The following PLEKHB1 variants were observed in gnomAD, a reference collection of about 807,000 sequenced individuals.
The protein encoded by PLEKHB1 is pleckstrin homology domain containing B1, also known as pleckstrin homology domain-containing family B member 1.
Under a neutral mutation model 36.2 loss-of-function variants are expected in PLEKHB1, and 29 were observed. That is an observed-to-expected ratio of 0.80 (90% CI 0.60 to 1.09). The LOEUF (loss-of-function observed/expected upper bound fraction) is 1.09, where lower values mean the gene tolerates loss of function less well. PLEKHB1 is among the 50% of genes least tolerant of loss of function. PLEKHB1 has a pLI of 0.00. For missense variants in PLEKHB1, 330 were observed against 348.2 expected, an observed-to-expected ratio of 0.95 and a Z score of 0.42; for synonymous variants, 138 against 140.0, an observed-to-expected ratio of 0.99 and a Z score of 0.10.
In PLEKHB1 at chr11:73,655,838, C is replaced by G. The variant is rs774084479; in HGVS notation, c.426C>G (p.Arg142=). Residue 142 remains arginine (R), a synonymous_variant, in exon 6 of 8, where the codon CGC becomes CGG. Transcript: ENST00000354190. The part of the protein sequence containing the change: ...PAGATVPPRS[R]RVCSKVRCVT... ...GAGCCACCGTCCCTCCCAGGAGCCG[C>G]CGGGTTTGCTCCAAGGTCAGGTGTG... The G allele has an allele frequency of 1.2e-6, 2 of 1,613,830 alleles. No homozygotes were observed. Among genetic ancestry groups the G allele is most frequent in the South Asian group, 2.2e-5 (2 of 91,084 alleles).
intron 5 of PLEKHB1, among the ~76,000 whole-genome samples, chr11:73,655,130 T>A (rs1944966463): frequency 6.6e-6 from 1 of 152,186 alleles, no homozygotes; most frequent in East Asian, 1.9e-4. Flanking sequence ...TGTGACTCTA[T>A]GAAGCGGCCT....
At chr11:73,650,838 G>C (rs1298845235) in intron 3 of PLEKHB1, 133 bp downstream of exon 3, 1 of 1,096,182 alleles carries the variant, frequency 9.1e-7, no homozygotes, top group Non-Finnish European at 1.3e-6. Context: ...CTGAGCCTCT[G>C]TCAACTCCAA....
At chr11:73,655,509 G>A (rs1218816496) in intron 5 of PLEKHB1, among the ~76,000 whole-genome samples, 1 of 152,180 alleles carries the variant, frequency 6.6e-6, no homozygotes, top group Non-Finnish European at 1.5e-5. Context: ...GAAGGGAGTC[G>A]CCCTGTCCTC....
At chr11:73,646,898 C>G (rs1362859393) in intron 1 of PLEKHB1, among the ~76,000 whole-genome samples, 4 of 152,164 alleles carry the variant, frequency 2.6e-5, no homozygotes, top group African/African-American at 7.2e-5. Flanking sequence ...TTTCCGACCC[C>G]CTAATCACAC....
In PLEKHB1 at chr11:73,661,172, A is replaced by T. The variant is rs1414739941; in HGVS notation, c.596-294A>T. ...CCCGCTCTGGGGCCTGGCGGTTGGG[A>T]ATGCCCATCGTTAGGCGCCTGGTGG... On this transcript the variant is annotated intron_variant, in intron 7 of 7. Coordinates refer to ENST00000354190, the MANE Select transcript of PLEKHB1 (RefSeq NM_021200.3). This position sits in a 1 kb window ranked among gnomAD's most constrained non-coding sequence, Gnocchi z 4.6. Among the ~76,000 whole-genome samples, 2 of 152,076 alleles carry T rather than the reference A, an allele frequency of 1.3e-5. No homozygotes were observed. Among genetic ancestry groups the T allele is most frequent in the East Asian group, 3.9e-4 (2 of 5,180 alleles).
In PLEKHB1 at chr11:73,650,583, G is replaced by C. The variant is rs1228806236; in HGVS notation, c.125G>C (p.Trp42Ser). 1 of 1,613,054 alleles carries C rather than the reference G, an allele frequency of 6.2e-7. No homozygotes were observed. Among genetic ancestry groups the C allele is most frequent in the Non-Finnish European group, 8.5e-7 (1 of 1,179,592 alleles). Reference protein sequence around the residue: ...SSILRRWKRNWFALWLDGTLG... With the variant: ...SSILRRWKRNSFALWLDGTLG... Reference sequence around the variant, plus strand: ...ATCCTCCGCCGCTGGAAGCGGAACTGGTTTGCCCTGTGGCTGGACGGGACC... The same window carrying C: ...ATCCTCCGCCGCTGGAAGCGGAACTCGTTTGCCCTGTGGCTGGACGGGACC... Residue 42 changes from tryptophan to serine, a missense_variant, in exon 3 of 8, where the codon TGG becomes TCG. Trp to Ser is a radical substitution (Grantham distance 177). Transcript: ENST00000354190.
intron 1 of PLEKHB1, chr11:73,648,780 TC>T: frequency 7.8e-7 from 1 of 1,287,694 alleles, no homozygotes; most frequent in Non-Finnish European, 9.9e-7. Flanking sequence ...GAATCCAGGC[TC>T]CTGGTCCCCA....
Position 73,661,544 on chromosome 11 carries a change from C to CAA in PLEKHB1, c.674_675insAA (p.Gly226ArgfsTer27), listed in dbSNP as rs999571798. 9 of 1,609,818 alleles carry CAA rather than the reference C, an allele frequency of 5.6e-6. No individual in the cohort carries two copies. Among genetic ancestry groups the CAA allele is most frequent in the Non-Finnish European group, 6.8e-6 (8 of 1,177,894 alleles). On this transcript the variant is annotated frameshift_variant, in exon 8 of 8. Transcript: ENST00000354190. LOFTEE classifies it high-confidence loss of function. The surrounding 1 kb of genome is among the most constrained non-coding windows in gnomAD (Gnocchi z 4.6). The stretch of plus-strand genomic sequence containing the variant: ...GCCCCTCTGGCCATGGGCATGCTTG[C>CAA]GGGAGCCGCCACTGGGGCGGCGCTG...
At position 73,661,237 on chromosome 11, in the gene PLEKHB1, C is replaced by T. The variant is rs80066252; in HGVS notation, c.596-229C>T. ...CTCAGGGTTTCCTCGCTGCTCCGCC[C>T]TAGCCTGCCGTAGCGGACCCGTAGG... is the stretch of plus-strand genomic sequence containing the variant. On this transcript the variant is annotated intron_variant, in intron 7 of 7. Transcript: ENST00000354190. The surrounding 1 kb of genome is among the most constrained non-coding windows in gnomAD (Gnocchi z 4.6). 5.6e-3 allele frequency among the ~76,000 whole-genome samples: 857 copies of T among 152,344 alleles called. 8 individuals are homozygous for T. Among genetic ancestry groups the T allele is most frequent in the African/African-American group, 0.019 (782 of 41,580 alleles).
Position 73,655,800 on chromosome 11 carries a change from C to T in PLEKHB1, c.391-3C>T. 6.2e-7 allele frequency: 1 copy of T among 1,612,834 alleles called. No individual in the cohort carries two copies. The highest frequency in any genetic ancestry group is 8.5e-7 in the Non-Finnish European group (1 of 1,179,576). ...CCTTCTTGGGTTTCTGTGGCTTGAG[C>T]AGGCCCCAGCTGGAGCCACCGTCCC... On this transcript the variant is annotated splice_region_variant and splice_polypyrimidine_tract_variant and intron_variant, in intron 5 of 7. Coordinates refer to ENST00000354190, the MANE Select transcript of PLEKHB1 (RefSeq NM_021200.3).
Position 73,661,030 on chromosome 11 carries a change from C to T in PLEKHB1, c.595+178C>T. The T allele has an allele frequency of 3.0e-6, 2 of 660,094 alleles. No homozygotes were observed. Among genetic ancestry groups the T allele is most frequent in the South Asian group, 1.8e-5 (1 of 54,558 alleles). 40.9% of individuals were successfully genotyped at this position (660,094 alleles called of 1,614,324 possible). On this transcript the variant is annotated intron_variant, in intron 7 of 7. Transcript: ENST00000354190. This position sits in a 1 kb window ranked among gnomAD's most constrained non-coding sequence, Gnocchi z 4.6. ...GAGACTGGGAGAGCTCTGGAACCAG[C>T]GTTCGTCTCGAGCTGACCTCACCCT...
intron 4 of PLEKHB1, chr11:73,652,401 T>G (rs1944915143): frequency 5.9e-6 from 1 of 168,508 alleles, no homozygotes; most frequent in Admixed American, 5.9e-5. Flanking sequence ...TGGCTCACAT[T>G]CCGTCCCTTC....
chr11:73,660,176 A>G (rs1258536634), intron 6 of PLEKHB1: 1 of 153,760 alleles, frequency 6.5e-6, no homozygotes, highest in Non-Finnish European at 1.4e-5. Context: ...GATATACCAT[A>G]TACTCTAGGT....
intron 5 of PLEKHB1, among the ~76,000 whole-genome samples, chr11:73,655,212 C>T (rs1006550019): frequency 1.3e-5 from 2 of 152,222 alleles, no homozygotes; most frequent in African/African-American, 4.8e-5. Context: ...TATTCTACCT[C>T]CCACTACTCC....
At chr11:73,649,716 A>G (rs1278292) in intron 2 of PLEKHB1, among the ~76,000 whole-genome samples, 16,943 of 152,160 alleles carry the variant, frequency 0.11, 3,091 homozygotes, top group African/African-American at 0.38. Flanking sequence ...TCATGACCTG[A>G]GCAAGAGCTA....
At chr11:73,646,694 G>A (rs1047006326) in intron 1 of PLEKHB1, 68 bp downstream of exon 1, 1 of 1,514,260 alleles carries the variant, frequency 6.6e-7, no homozygotes, top group Non-Finnish European at 9.0e-7. Context: ...CCACATAGGG[G>A]ACGGGACAGA....
Position 73,652,859 on chromosome 11 carries a change from C to T in PLEKHB1, c.351-116C>T, listed in dbSNP as rs1565329963. 31 of 850,588 alleles carry T rather than the reference C, an allele frequency of 3.6e-5. No individual in the cohort carries two copies. The South Asian group carries it at 5.4e-4, about 15-fold the overall frequency. 52.7% of individuals were successfully genotyped at this position (850,588 alleles called of 1,614,324 possible). A position where few individuals can be genotyped will look rare whatever the true frequency, so the allele number is the denominator to read the frequency against. On this transcript the variant is annotated intron_variant, in intron 4 of 7. Coordinates refer to ENST00000354190, the MANE Select transcript of PLEKHB1 (RefSeq NM_021200.3). ...TCCTGAGGGAGACAAGAGATCTCTC[C>T]TTTCATGAGAGACTTGGGCTTGAGG...
intron 2 of PLEKHB1, among the ~76,000 whole-genome samples, chr11:73,650,250 G>A (rs1944860109): frequency 6.6e-6 from 1 of 152,180 alleles, no homozygotes; most frequent in African/African-American, 2.4e-5. Context: ...GCTTAAGGTA[G>A]GGAGAGGTCT....
At chr11:73,653,983 A>G (rs2134812545) in intron 5 of PLEKHB1, among the ~76,000 whole-genome samples, 1 of 152,114 alleles carries the variant, frequency 6.6e-6, no homozygotes, top group East Asian at 1.9e-4. Flanking sequence ...CATGTAAAAA[A>G]AAGGGGGTAG....
Sources: gnomAD v4.1 joint callset for allele counts (sites outside exome capture counted in the v4.1 genomes callset) on GRCh38, gnomAD v4.1.1 for gene constraint, Gnocchi (gnomAD v3.1) non-coding constraint, MANE v1.5 for transcripts, NCBI Gene and HGNC (gene_info 2026-07-23, HGNC 2026-07-21) for gene names.